The following PLCB1 variants were observed in gnomAD, a reference collection of about 807,000 sequenced individuals.
PLCB1 encodes the protein phospholipase C beta 1, also known as 1-phosphatidylinositol 4,5-bisphosphate phosphodiesterase beta-1.
PLCB1 carries 46 observed loss-of-function variants against 161.8 expected under a neutral mutation model. That is an observed-to-expected ratio of 0.28 (90% CI 0.22 to 0.36). The LOEUF is 0.36. Ranked by LOEUF, PLCB1 falls within the 10% of genes least tolerant of loss-of-function variation. The pLI is 1.00. For synonymous variants in PLCB1, 517 were observed against 503.7 expected (o/e 1.03, Z -0.35); for missense variants, 1,016 against 1,472.5 (o/e 0.69, Z 5.07).
chr20:8,749,819 T>TATTC (rs1173463380), intron 23 of PLCB1, among the ~76,000 whole-genome samples: 2 of 152,226 alleles, frequency 1.3e-5, no homozygotes, highest in African/African-American at 4.8e-5. Context: ...TTCATTGATT[T>TATTC]ATTCATTCAT....
chr20:8,678,470 G>A (rs750198286), intron 9 of PLCB1, among the ~76,000 whole-genome samples: 2 of 152,226 alleles, frequency 1.3e-5, no homozygotes, highest in Non-Finnish European at 2.9e-5. Context: ...TTGCTTCTAA[G>A]TAAGGAGACA....
intron 3 of PLCB1, among the ~76,000 whole-genome samples, chr20:8,610,610 TA>T (rs1488393647): frequency 3.3e-5 from 5 of 152,226 alleles, no homozygotes; most frequent in African/African-American, 1.2e-4. Context: ...GTTTATTTGA[TA>T]AATTCCTTTC....
At chr20:8,637,871 G>C (rs1988811800) in intron 4 of PLCB1, among the ~76,000 whole-genome samples, 1 of 152,202 alleles carries the variant, frequency 6.6e-6, no homozygotes, top group South Asian at 2.1e-4. Context: ...TGCGGAACAA[G>C]ATAAAAACTG....
chr20:8,262,910 C>G (rs1477625778), intron 2 of PLCB1, among the ~76,000 whole-genome samples: 2 of 152,144 alleles, frequency 1.3e-5, no homozygotes. Context: ...TACAAGGGCT[C>G]TAACTCCATC....
Position 8,765,304 on chromosome 20 carries a change from A to G in PLCB1, c.2876A>G (p.Tyr959Cys). The G allele has an allele frequency of 6.2e-7, 1 of 1,614,110 alleles. No individual in the cohort carries two copies. Among genetic ancestry groups the G allele is most frequent in the East Asian group, 2.2e-5 (1 of 44,882 alleles). ...AAGTATAATGAAATTCAGAATGACT[A>G]CTTGAGAAGGAGAGCCGCTTTGGAA... ...TTKYNEIQNDYLRRRAALEKS... is the reference protein window; with the variant it reads ...TTKYNEIQNDCLRRRAALEKS... The change falls in exon 26 of 32, where the codon TAC becomes TGC. Residue 959 changes from tyrosine (Y) to cysteine (C), a missense_variant. Physicochemically the swap from Tyr to Cys is radical, Grantham distance 194. Around this residue, in one of 10 missense-constraint regions of PLCB1, gnomAD observed 398 missense variants for 445.4 expected, o/e 0.89. Coordinates refer to ENST00000338037, the MANE Select transcript of PLCB1 (RefSeq NM_015192.4).
At chr20:8,457,770 G>A (rs1457848749) in intron 3 of PLCB1, among the ~76,000 whole-genome samples, 1 of 150,264 alleles carries the variant, frequency 6.7e-6, no homozygotes, top group African/African-American at 2.5e-5. Context: ...TTGCCTTCCA[G>A]GCACCCTCAG....
At chr20:8,872,826 A>G (rs950058464) in intron 31 of PLCB1, among the ~76,000 whole-genome samples, 1 of 152,126 alleles carries the variant, frequency 6.6e-6, no homozygotes, top group Non-Finnish European at 1.5e-5. Context: ...GGCTCTATTC[A>G]GGGACTTCAG....
chr20:8,166,739 C>G lies in PLCB1; in HGVS notation c.177+16368C>G, dbSNP rs150594576. The stretch of plus-strand genomic sequence containing the variant: ...TCCTTAACACCTTCTTTTCCACCTT[C>G]CCTCCAAGTTCTTGGCCCCTTTCCT... On this transcript the variant is annotated intron_variant, in intron 2 of 31. Coordinates refer to ENST00000338037, the MANE Select transcript of PLCB1 (RefSeq NM_015192.4). Among the ~76,000 whole-genome samples the G allele has an allele frequency of 5.2e-3, 793 of 152,254 alleles. 4 individuals are homozygous for G. Among genetic ancestry groups the G allele is most frequent in the African/African-American group, 0.018 (736 of 41,558 alleles).
intron 9 of PLCB1, among the ~76,000 whole-genome samples, chr20:8,676,739 CT>C (rs1990087902): frequency 6.6e-6 from 1 of 152,156 alleles, no homozygotes; most frequent in Non-Finnish European, 1.5e-5. Context: ...ATCCAATCAG[CT>C]TTTTAGTCTG....
chr20:8,179,544 A>G (rs904952694), intron 2 of PLCB1, among the ~76,000 whole-genome samples: 2 of 152,282 alleles, frequency 1.3e-5, no homozygotes, highest in Admixed American at 6.5e-5. Context: ...GGCAGAGGCA[A>G]TAGGGTTTTC....
intron 2 of PLCB1, among the ~76,000 whole-genome samples, chr20:8,307,553 T>C (rs1049605476): frequency 6.6e-6 from 1 of 151,880 alleles, no homozygotes; most frequent in Non-Finnish European, 1.5e-5. Context: ...TTTTTGAGGG[T>C]TTTTGGTGGG....
chr20:8,168,965 T>G (rs996720792), intron 2 of PLCB1, among the ~76,000 whole-genome samples: 1 of 152,230 alleles, frequency 6.6e-6, no homozygotes, highest in African/African-American at 2.4e-5. Context: ...TGAAAACACA[T>G]GAGTTTGACC....
intron 2 of PLCB1, among the ~76,000 whole-genome samples, chr20:8,322,286 A>G (rs1223337093): frequency 6.6e-6 from 1 of 152,126 alleles, no homozygotes; most frequent in African/African-American, 2.4e-5. Context: ...GACATCTACC[A>G]TAATATTACA....
At chr20:8,318,226 T>C (rs192402870) in intron 2 of PLCB1, among the ~76,000 whole-genome samples, 26 of 152,288 alleles carry the variant, frequency 1.7e-4, no homozygotes, top group Admixed American at 1.6e-3. Flanking sequence ...CTTAAAAGTC[T>C]TTTGACTTTT....
chr20:8,254,791 G>C (rs1038120136), intron 2 of PLCB1, among the ~76,000 whole-genome samples: 2 of 151,924 alleles, frequency 1.3e-5, no homozygotes, highest in African/African-American at 4.8e-5. Context: ...CCAGGACATG[G>C]GAAAATGGTG....
chr20:8,827,537 G>C (rs1985763904), intron 31 of PLCB1, among the ~76,000 whole-genome samples: 1 of 152,166 alleles, frequency 6.6e-6, no homozygotes, highest in African/African-American at 2.4e-5. Flanking sequence ...ATAAATTATT[G>C]AAAAATTGAA....
intron 27 of PLCB1, 132 bp from the exon 28 acceptor site, chr20:8,788,317 T>G: frequency 2.6e-6 from 2 of 764,482 alleles, no homozygotes; most frequent in Non-Finnish European, 2.1e-6. Context: ...ATGTTAGATG[T>G]CTGACAACTT....
At chr20:8,418,835 T>G (rs2122538162) in intron 3 of PLCB1, among the ~76,000 whole-genome samples, 1 of 152,306 alleles carries the variant, frequency 6.6e-6, no homozygotes, top group Admixed American at 6.5e-5. Context: ...TAGAGTAAGA[T>G]TGGTTCTACT....
intron 12 of PLCB1, among the ~76,000 whole-genome samples, chr20:8,715,645 C>T (rs1979264795): frequency 6.6e-6 from 1 of 152,164 alleles, no homozygotes; most frequent in Non-Finnish European, 1.5e-5. Flanking sequence ...GTTGCACACA[C>T]CTTTCCCCAA....
Sources: allele counts gnomAD v4.1 joint callset (sites outside exome capture counted in the v4.1 genomes callset), GRCh38; gene constraint gnomAD v4.1.1; regional missense constraint gnomAD v4.1.1; transcripts MANE v1.5; gene names NCBI Gene and HGNC (gene_info 2026-07-23, HGNC 2026-07-21).